Variants in ATF3 observed in about 807,000 individuals in gnomAD.
The protein encoded by ATF3 is cyclic AMP-dependent transcription factor ATF-3.
A neutral mutation model predicts 18.4 loss-of-function variants in ATF3; 10 were observed. That is an observed-to-expected ratio of 0.54 (90% CI 0.34 to 0.92). The LOEUF (loss-of-function observed/expected upper bound fraction) is 0.92, where lower values mean the gene tolerates loss of function less well. ATF3 is among the 40% of genes least tolerant of loss of function. The pLI is 0.02. For missense variants in ATF3, 183 were observed against 222.3 expected, an observed-to-expected ratio of 0.82 and a Z score of 1.12; for synonymous variants, 78 against 87.9, an observed-to-expected ratio of 0.89 and a Z score of 0.63.
chr1:212,619,300 AC>A lies in ATF3; in HGVS notation c.349-53del. On this transcript the variant is annotated intron_variant, in intron 3 of 3. Transcript: ENST00000341491. The surrounding 1 kb of genome is among the most constrained non-coding windows in gnomAD (Gnocchi z 4.4). ...CTGCATCCAGGCAGCAGCCCAGGCC[AC>A]CCCCTCCTCACTGGCCCTTGGCTCC... The A allele has an allele frequency of 6.2e-7, 1 of 1,611,542 alleles. No homozygotes were observed. Among genetic ancestry groups the A allele is most frequent in the East Asian group, 2.2e-5 (1 of 44,830 alleles).
chr1:212,606,788 C>T (rs1376514873), upstream of ATF3, among the ~76,000 whole-genome samples: 1 of 152,218 alleles, frequency 6.6e-6, no homozygotes, highest in African/African-American at 2.4e-5. Context: ...CATTCAAATG[C>T]AAACACTCCT....
upstream of ATF3, among the ~76,000 whole-genome samples, chr1:212,606,899 G>C (rs971960098): frequency 6.6e-6 from 1 of 152,204 alleles, no homozygotes; most frequent in Non-Finnish European, 1.5e-5. Context: ...TGTGCTGAGC[G>C]GCGCGCGGGG....
rs3049934 is a variant in ATF3, at chr1:212,573,943, G to GTT, written c.-5+8468_-5+8469dup. ...TATTTCTAATTTTATTATTCATAGG[G>GTT]TTTTTTTTTCTTCTTTAGTTTCTCT... On this transcript the variant is annotated intron_variant, in intron 1 of 3. Coordinates refer to the ATF3 transcript ENST00000366981. Among the ~76,000 whole-genome samples the GTT allele has an allele frequency of 7.6e-3, 1,135 of 149,364 alleles. 9 individuals are homozygous for GTT. Among genetic ancestry groups the GTT allele is most frequent in the African/African-American group, 0.024 (981 of 40,896 alleles).
chr1:212,570,048 C>A (rs1030960140), intron 1 of ATF3, among the ~76,000 whole-genome samples: 2 of 151,974 alleles, frequency 1.3e-5, no homozygotes, highest in African/African-American at 4.8e-5. Flanking sequence ...AGAGCCTTTG[C>A]CTGTACATCT....
intron 1 of ATF3, among the ~76,000 whole-genome samples, chr1:212,575,346 A>T (rs767134236): frequency 2.6e-5 from 4 of 152,080 alleles, no homozygotes; most frequent in Non-Finnish European, 5.9e-5. Flanking sequence ...TTTTCTAATT[A>T]GTTATTACTA....
rs78273136 is a variant in ATF3 at position 212,610,145 on chromosome 1, C to G, written c.-5+1215C>G. Reference sequence around the variant, plus strand: ...ATTCGTTCTCCTTCTCTGCTCCCCCCACTCCCATTTTCATTTCTCATCTAC... The same window carrying G: ...ATTCGTTCTCCTTCTCTGCTCCCCCGACTCCCATTTTCATTTCTCATCTAC... On this transcript the variant is annotated intron_variant, in intron 1 of 3. Coordinates refer to ENST00000341491, the MANE Select transcript of ATF3 (RefSeq NM_001674.4). Among the ~76,000 whole-genome samples, 1,455 of 152,308 alleles carry G rather than the reference C, an allele frequency of 9.6e-3. 12 individuals carry two copies. Among genetic ancestry groups the G allele is most frequent in the Non-Finnish European group, 0.016 (1,066 of 68,026 alleles).
intron 1 of ATF3, among the ~76,000 whole-genome samples, chr1:212,576,097 G>A (rs1664571743): frequency 6.6e-6 from 1 of 152,230 alleles, no homozygotes; most frequent in East Asian, 1.9e-4. Context: ...TGATGTCTTT[G>A]GAGATGGAAG....
intron 1 of ATF3, among the ~76,000 whole-genome samples, chr1:212,573,508 G>A (rs903883533): frequency 6.6e-6 from 1 of 151,816 alleles, no homozygotes; most frequent in Non-Finnish European, 1.5e-5. Flanking sequence ...TCTTTTCTAT[G>A]TTCATAATTT....
chr1:212,610,769 C>T (rs1023121144), intron 1 of ATF3, among the ~76,000 whole-genome samples: 4 of 152,216 alleles, frequency 2.6e-5, no homozygotes, highest in African/African-American at 9.6e-5. Context: ...ATCTACCTGG[C>T]TAATGGCTCT....
chr1:212,588,693 C>G (rs1462321528), intron 1 of ATF3, among the ~76,000 whole-genome samples: 1 of 152,166 alleles, frequency 6.6e-6, no homozygotes, highest in African/African-American at 2.4e-5. Flanking sequence ...ATTCCCACTC[C>G]CTGAAGGCAA....
chr1:212,591,545 C>T (rs1031995003), intron 1 of ATF3, among the ~76,000 whole-genome samples: 5 of 152,164 alleles, frequency 3.3e-5, no homozygotes, highest in Admixed American at 6.5e-5. Context: ...CCATCCCCCC[C>T]GCCCCAGTCC....
intron 2 of ATF3, among the ~76,000 whole-genome samples, chr1:212,615,667 G>A (rs1287588034): frequency 6.6e-6 from 1 of 151,692 alleles, no homozygotes; most frequent in Non-Finnish European, 1.5e-5. Flanking sequence ...GCTGGGCAAG[G>A]TGGTACATGG....
intron 1 of ATF3, among the ~76,000 whole-genome samples, chr1:212,599,644 T>C (rs1331094373): frequency 6.6e-6 from 1 of 152,178 alleles, no homozygotes; most frequent in East Asian, 1.9e-4. Context: ...TTCTTTGACA[T>C]CCCACTGCTA....
At chr1:212,612,525 A>G (rs1434434210) in intron 1 of ATF3, among the ~76,000 whole-genome samples, 5 of 152,252 alleles carry the variant, frequency 3.3e-5, no homozygotes, top group Non-Finnish European at 7.3e-5. Flanking sequence ...ACATGAATGC[A>G]TGGGAGAATC....
chr1:212,590,063 A>G (rs1460053909), intron 1 of ATF3, among the ~76,000 whole-genome samples: 1 of 152,188 alleles, frequency 6.6e-6, no homozygotes, highest in Non-Finnish European at 1.5e-5. Flanking sequence ...AAAGCAGTTG[A>G]ATTATGTTAA....
At chr1:212,574,241 A>G (rs1664532928) in intron 1 of ATF3, among the ~76,000 whole-genome samples, 1 of 151,746 alleles carries the variant, frequency 6.6e-6, no homozygotes, top group Non-Finnish European at 1.5e-5. Flanking sequence ...AATATTTCAT[A>G]CCTTTTGATA....
intron 1 of ATF3, among the ~76,000 whole-genome samples, chr1:212,590,353 C>A (rs1664859175): frequency 1.3e-5 from 2 of 150,936 alleles, no homozygotes; most frequent in African/African-American, 4.9e-5. Flanking sequence ...TTAAATCTTT[C>A]ATTGTATTGT....
At chr1:212,599,221 T>C (rs1365271410) in intron 1 of ATF3, among the ~76,000 whole-genome samples, 1 of 152,236 alleles carries the variant, frequency 6.6e-6, no homozygotes, top group Non-Finnish European at 1.5e-5. Flanking sequence ...ATTCCCTAAG[T>C]TGTAATCTCT....
chr1:212,587,501 G>C (rs1664800974), intron 1 of ATF3, among the ~76,000 whole-genome samples: 1 of 152,152 alleles, frequency 6.6e-6, no homozygotes, highest in Admixed American at 6.5e-5. Context: ...TACCTCTTGT[G>C]ACCAACCCAC....
Sources: allele counts gnomAD v4.1 joint callset (sites outside exome capture counted in the v4.1 genomes callset), GRCh38; gene constraint gnomAD v4.1.1; non-coding constraint Gnocchi (gnomAD v3.1); transcripts MANE v1.5; gene names NCBI Gene and HGNC (gene_info 2026-07-23, HGNC 2026-07-21).